The following USP54 variants were observed in gnomAD, a reference collection of about 807,000 sequenced individuals.
USP54 encodes the protein ubiquitin specific peptidase 54.
A neutral mutation model predicts 170.5 loss-of-function variants in USP54; 87 were observed. That is an observed-to-expected ratio of 0.51 (90% CI 0.43 to 0.61). USP54 has a LOEUF of 0.61. Ranked by LOEUF, USP54 falls within the 20% of genes least tolerant of loss-of-function variation. The probability of loss-of-function intolerance (pLI) is 0.00; values close to 1 mark genes in which losing one functional copy is unlikely to be tolerated. For missense variants in USP54, 1,786 were observed against 2,047.8 expected, an observed-to-expected ratio of 0.87 and a Z score of 2.47; for synonymous variants, 655 against 742.8, an observed-to-expected ratio of 0.88 and a Z score of 1.92.
intron 17 of USP54, 121 bp from the exon 18 acceptor site, chr10:73,521,148 A>G: frequency 7.5e-7 from 1 of 1,330,510 alleles, no homozygotes; most frequent in East Asian, 2.4e-5. Context: ...CCTTATTCCA[A>G]CTGTCTATTC....
intron 1 of USP54, among the ~76,000 whole-genome samples, chr10:73,603,115 A>C (rs756680177): frequency 9.2e-5 from 14 of 152,128 alleles, no homozygotes; most frequent in Non-Finnish European, 1.6e-4. Flanking sequence ...TAATACGCTA[A>C]CAGGCTGTCT....
In USP54 at chr10:73,536,181, C is replaced by A. The variant is rs149498166; in HGVS notation, c.1144+88G>T. On this transcript the variant is annotated intron_variant, in intron 11 of 23. Transcript: ENST00000687698. ...GATCCTCTTTCTCCAAGCTAGGTTA[C>A]GAGCTAAGCACATAATTAACTATGA... 10 of 1,523,432 alleles carry A rather than the reference C, an allele frequency of 6.6e-6. No homozygotes were observed. In the Middle Eastern group the frequency reaches 5.1e-4, roughly 77 times the overall value. 94.4% of individuals were successfully genotyped at this position (1,523,432 alleles called of 1,614,324 possible). A position where few individuals can be genotyped will look rare whatever the true frequency, so the allele number is the denominator to read the frequency against.
At chr10:73,587,151 G>A (rs2132179346) in intron 1 of USP54, among the ~76,000 whole-genome samples, 1 of 152,196 alleles carries the variant, frequency 6.6e-6, no homozygotes, top group East Asian at 1.9e-4. Flanking sequence ...AAGCAGCATG[G>A]TAGTAGAAAG....
intron 22 of USP54, among the ~76,000 whole-genome samples, chr10:73,501,592 G>A (rs1448026424): frequency 6.6e-6 from 1 of 152,084 alleles, no homozygotes; most frequent in Non-Finnish European, 1.5e-5. Context: ...CTACCTATGG[G>A]TTTTATATTT....
chr10:73,566,362 T>C (rs1238796836), intron 4 of USP54, among the ~76,000 whole-genome samples: 4 of 152,170 alleles, frequency 2.6e-5, no homozygotes. Flanking sequence ...AATGATTCCA[T>C]TTACAATGAA....
At chr10:73,578,969 C>A (rs1347631114) in intron 1 of USP54, among the ~76,000 whole-genome samples, 2 of 138,376 alleles carry the variant, frequency 1.4e-5, no homozygotes, top group Non-Finnish European at 3.1e-5. Flanking sequence ...TTGAGACAGT[C>A]TCCCTCTGTC....
intron 4 of USP54, among the ~76,000 whole-genome samples, chr10:73,561,786 C>G (rs1403700295): frequency 1.3e-5 from 2 of 152,084 alleles, no homozygotes; most frequent in Non-Finnish European, 2.9e-5. Context: ...TATAGCATTC[C>G]AGGGTATTCT....
At chr10:73,612,059 T>C (rs1036574349) in intron 1 of USP54, among the ~76,000 whole-genome samples, 1 of 151,916 alleles carries the variant, frequency 6.6e-6, no homozygotes. Flanking sequence ...CTGCAGTGAG[T>C]TGAGATCCCG....
intron 1 of USP54, among the ~76,000 whole-genome samples, chr10:73,606,826 C>T (rs180790643): frequency 1.3e-5 from 2 of 149,904 alleles, no homozygotes; most frequent in African/African-American, 4.9e-5. Context: ...TTGCAGTGAG[C>T]CAAGATCGTG....
chr10:73,579,048 C>T (rs372432619), intron 1 of USP54, among the ~76,000 whole-genome samples: 57 of 147,966 alleles, frequency 3.9e-4, no homozygotes, highest in African/African-American at 1.4e-3. Context: ...TCAAGTGATT[C>T]TCCTTCCTCA....
At chr10:73,584,812 A>G (rs2077295060) in intron 1 of USP54, among the ~76,000 whole-genome samples, 1 of 152,162 alleles carries the variant, frequency 6.6e-6, no homozygotes, top group African/African-American at 2.4e-5. Context: ...AAAGCTGGTT[A>G]ATAATTGGTA....
chr10:73,587,674 T>C (rs1291151933), intron 1 of USP54, among the ~76,000 whole-genome samples: 3 of 152,190 alleles, frequency 2.0e-5, no homozygotes, highest in Admixed American at 1.3e-4. Context: ...GACCAAGTTA[T>C]TGAACTAACT....
intron 12 of USP54, among the ~76,000 whole-genome samples, chr10:73,534,172 C>T (rs1047704754): frequency 2.6e-5 from 4 of 151,796 alleles, no homozygotes; most frequent in African/African-American, 9.7e-5. Context: ...TGTGCCTTTG[C>T]GTAACGAACA....
intron 1 of USP54, among the ~76,000 whole-genome samples, chr10:73,576,652 T>G (rs1414354775): frequency 1.3e-5 from 2 of 152,176 alleles, no homozygotes; most frequent in Admixed American, 6.5e-5. Flanking sequence ...AATACAAACT[T>G]TCCAGTATCA....
chr10:73,528,576 T>TA (rs1225310298), intron 15 of USP54, among the ~76,000 whole-genome samples: 71 of 151,678 alleles, frequency 4.7e-4, no homozygotes, highest in Non-Finnish European at 7.7e-4. Flanking sequence ...TTGTTTCTTT[T>TA]TTTTTTTTTT....
upstream of USP54, among the ~76,000 whole-genome samples, chr10:73,592,807 A>G (rs2078378336): frequency 6.6e-6 from 1 of 152,252 alleles, no homozygotes; most frequent in Non-Finnish European, 1.5e-5. Flanking sequence ...GAAGTGATCC[A>G]CAGGGAAATC....
In USP54 at chr10:73,534,788, C is replaced by T. The variant is rs771160996; in HGVS notation, c.1145-18G>A. On this transcript the variant is annotated intron_variant, in intron 11 of 23. Transcript: ENST00000687698. ...CTCCCTCCCTGAGAGGAGGAGGAAA[C>T]ACATATGCAAAAAGTGAGGAAACAG... 6.2e-7 allele frequency: 1 copy of T among 1,608,622 alleles called. No homozygotes were observed. Among genetic ancestry groups the T allele is most frequent in the Non-Finnish European group, 8.5e-7 (1 of 1,177,476 alleles).
At chr10:73,532,375 C>T (rs2064187536) in intron 12 of USP54, among the ~76,000 whole-genome samples, 1 of 152,114 alleles carries the variant, frequency 6.6e-6, no homozygotes, top group Non-Finnish European at 1.5e-5. Context: ...CGGGGTTTCA[C>T]CATGTTAGCC....
intron 5 of USP54, among the ~76,000 whole-genome samples, chr10:73,543,911 G>A (rs1477599781): frequency 6.6e-6 from 1 of 151,550 alleles, no homozygotes; most frequent in Non-Finnish European, 1.5e-5. Context: ...TTTATTTCAA[G>A]AATGTTATAT....
Sources: allele counts gnomAD v4.1 joint callset (sites outside exome capture counted in the v4.1 genomes callset), GRCh38; gene constraint gnomAD v4.1.1; transcripts MANE v1.5; gene names NCBI Gene and HGNC (gene_info 2026-07-23, HGNC 2026-07-21).